SLC4A4: variants seen among roughly 807,000 people sequenced by gnomAD.
SLC4A4 encodes electrogenic sodium bicarbonate cotransporter 1.
Under a neutral mutation model 111.5 loss-of-function variants are expected in SLC4A4, and 27 were observed. The ratio of observed to expected loss-of-function variants is 0.24; its 90% CI spans 0.18 to 0.33. The LOEUF (loss-of-function observed/expected upper bound fraction) is 0.33, where lower values mean the gene tolerates loss of function less well. SLC4A4 is among the 10% of genes least tolerant of loss of function. SLC4A4 has a pLI of 1.00. For missense variants in SLC4A4, 909 were observed against 1,315.5 expected (o/e 0.69, Z 4.78); for synonymous variants, 443 against 463.4 (o/e 0.96, Z 0.57).
intron 21 of SLC4A4, among the ~76,000 whole-genome samples, chr4:71,555,427 T>C (rs184898041): frequency 7.4e-4 from 113 of 152,058 alleles, no homozygotes; most frequent in Non-Finnish European, 1.4e-3. Flanking sequence ...ATTGTTTAAA[T>C]AGGCTGTTAA....
At chr4:71,248,046 T>G (rs981133732) in intron 2 of SLC4A4, among the ~76,000 whole-genome samples, 14 of 152,090 alleles carry the variant, frequency 9.2e-5, no homozygotes, top group Non-Finnish European at 1.5e-5. Context: ...AAGATTGAGG[T>G]TATGGAAGGT....
At chr4:71,423,804 T>C (rs568496777) in intron 7 of SLC4A4, among the ~76,000 whole-genome samples, 6 of 152,162 alleles carry the variant, frequency 3.9e-5, no homozygotes, top group Admixed American at 6.5e-5. Context: ...AAAGCTGAAA[T>C]TGGCTCCCTT....
chr4:71,470,875 G>A (rs1727808410), intron 13 of SLC4A4, among the ~76,000 whole-genome samples: 1 of 151,900 alleles, frequency 6.6e-6, no homozygotes, highest in African/African-American at 2.4e-5. Flanking sequence ...AATCTTTTTT[G>A]TTTTATTCAG....
intron 6 of SLC4A4, among the ~76,000 whole-genome samples, chr4:71,365,665 C>T (rs762184208): frequency 6.6e-6 from 1 of 152,268 alleles, no homozygotes; most frequent in Non-Finnish European, 1.5e-5. Context: ...TTCTTAAAAA[C>T]CACACTTTGA....
intron 3 of SLC4A4, among the ~76,000 whole-genome samples, chr4:71,333,945 A>C (rs1231555920): frequency 6.6e-6 from 1 of 151,478 alleles, no homozygotes; most frequent in Non-Finnish European, 1.5e-5. Flanking sequence ...AGGTCCAGAA[A>C]TGCTGTCTAA....
At chr4:71,302,356 A>G (rs1725340957) in intron 3 of SLC4A4, among the ~76,000 whole-genome samples, 1 of 152,162 alleles carries the variant, frequency 6.6e-6, no homozygotes, top group Admixed American at 6.5e-5. Flanking sequence ...ATAAAATGAT[A>G]TTTCTATATA....
chr4:71,225,627 G>C (rs1341783646), intron 1 of SLC4A4, among the ~76,000 whole-genome samples: 2 of 152,198 alleles, frequency 1.3e-5, no homozygotes, highest in African/African-American at 2.4e-5. Context: ...GGTAGAGGTA[G>C]GAAGGTTTGC....
At chr4:71,174,666 C>T (rs1373188301) in intron 2 of SLC4A4, among the ~76,000 whole-genome samples, 1 of 152,216 alleles carries the variant, frequency 6.6e-6, no homozygotes, top group Non-Finnish European at 1.5e-5. Flanking sequence ...TTTACTGCCA[C>T]TCCACCTATT....
At chr4:71,208,098 T>C (rs1033229292) in intron 1 of SLC4A4, among the ~76,000 whole-genome samples, 3 of 151,482 alleles carry the variant, frequency 2.0e-5, no homozygotes, top group Non-Finnish European at 4.4e-5. Flanking sequence ...TCTGAGCCAC[T>C]GTGCCTGGCT....
intron 5 of SLC4A4, among the ~76,000 whole-genome samples, chr4:71,356,387 A>G (rs987169262): frequency 2.0e-5 from 3 of 152,240 alleles, no homozygotes; most frequent in Admixed American, 2.0e-4. Context: ...CAATGGAAAT[A>G]TACTGGAAAG....
intron 1 of SLC4A4, among the ~76,000 whole-genome samples, chr4:71,200,198 G>A (rs1578584763): frequency 6.6e-6 from 1 of 152,064 alleles, no homozygotes; most frequent in Admixed American, 6.5e-5. Context: ...TCAAGGAAGA[G>A]GAAATCATAT....
chr4:71,271,533 A>AG (rs1722700617), intron 3 of SLC4A4, among the ~76,000 whole-genome samples: 1 of 152,244 alleles, frequency 6.6e-6, no homozygotes, highest in Non-Finnish European at 1.5e-5. Context: ...TAGGATTAAT[A>AG]TTGTTCCTAC....
rs184802346 is a variant in SLC4A4 at position 71,385,437 on chromosome 4, A to T, written c.731-12140A>T. ...GCTCTCGAACTACTGACCTCAGGCA[A>T]TCCGCCCACCTCAGCCTCCGAAAGT... On this transcript the variant is annotated intron_variant, in intron 6 of 25. Transcript: ENST00000264485. Among the ~76,000 whole-genome samples the T allele has an allele frequency of 2.1e-3, 322 of 151,742 alleles. 3 individuals carry two copies. The highest frequency in any genetic ancestry group is 7.2e-3 in the African/African-American group (298 of 41,404).
intron 1 of SLC4A4, among the ~76,000 whole-genome samples, chr4:71,212,086 C>T (rs979120137): frequency 6.6e-6 from 1 of 152,304 alleles, no homozygotes; most frequent in Non-Finnish European, 1.5e-5. Flanking sequence ...ATCTAACCTT[C>T]CAGCCTTGGC....
chr4:71,294,113 G>T (rs919222071), intron 3 of SLC4A4, among the ~76,000 whole-genome samples: 4 of 152,186 alleles, frequency 2.6e-5, no homozygotes, highest in Non-Finnish European at 5.9e-5. Flanking sequence ...AAGCATGTTA[G>T]TAACGACCTT....
At chr4:71,309,016 C>T (rs1165173614) in intron 3 of SLC4A4, among the ~76,000 whole-genome samples, 2 of 152,218 alleles carry the variant, frequency 1.3e-5, no homozygotes. Flanking sequence ...AGTCTGAAGT[C>T]GACCTGGGAC....
chr4:71,537,961 A>G (rs1734707490), intron 18 of SLC4A4, among the ~76,000 whole-genome samples: 1 of 151,844 alleles, frequency 6.6e-6, no homozygotes, highest in South Asian at 2.1e-4. Context: ...TTTGTATCCA[A>G]TTGTTCCTCT....
chr4:71,158,685 A>G lies in SLC4A4; in HGVS notation c.-2+65893A>G, dbSNP rs144572719. Among the ~76,000 whole-genome samples, 3 of 152,276 alleles carry G rather than the reference A, an allele frequency of 2.0e-5. No homozygotes were observed. The East Asian group carries it at 5.8e-4, about 29-fold the overall frequency. On this transcript the variant is annotated intron_variant, in intron 2 of 26. Coordinates refer to the SLC4A4 transcript ENST00000649996. ...GTTGGCAGGCGCTTCTTCTATCAAT[A>G]TAGATTTTGATTTCCCATCAGACTG... is the stretch of plus-strand genomic sequence containing the variant.
chr4:71,390,601 C>T (rs993539636), intron 6 of SLC4A4, among the ~76,000 whole-genome samples: 4 of 152,096 alleles, frequency 2.6e-5, no homozygotes, highest in African/African-American at 9.7e-5. Context: ...ATACCATCTT[C>T]ATTTTTGGAA....
Sources: gnomAD v4.1 joint callset for allele counts (sites outside exome capture counted in the v4.1 genomes callset) on GRCh38, gnomAD v4.1.1 for gene constraint, MANE v1.5 for transcripts, NCBI Gene and HGNC (gene_info 2026-07-23, HGNC 2026-07-21) for gene names.